RORA: variants seen among roughly 807,000 people sequenced by gnomAD.
The protein encoded by RORA is RAR related orphan receptor A, also known as nuclear receptor ROR-alpha.
Under a neutral mutation model 69.5 loss-of-function variants are expected in RORA, and 7 were observed. The ratio of observed to expected loss-of-function variants is 0.10; its 90% CI spans 0.06 to 0.19. RORA has a LOEUF of 0.19. Ranked by LOEUF, RORA falls within the 10% of genes least tolerant of loss-of-function variation. RORA has a pLI of 1.00. For synonymous variants in RORA, 261 were observed against 240.8 expected, an observed-to-expected ratio of 1.08 and a Z score of -0.78; for missense variants, 457 against 663.0, an observed-to-expected ratio of 0.69 and a Z score of 3.41.
chr15:60,900,517 T>TA (rs1891357544), intron 1 of RORA, among the ~76,000 whole-genome samples: 1 of 152,200 alleles, frequency 6.6e-6, no homozygotes, highest in Admixed American at 6.5e-5. Flanking sequence ...ACTCTTCACT[T>TA]ACTACTCATG....
At chr15:60,830,861 G>A (rs758138033) in intron 1 of RORA, among the ~76,000 whole-genome samples, 18 of 152,188 alleles carry the variant, frequency 1.2e-4, no homozygotes, top group South Asian at 4.1e-4. Context: ...GGGCATGAGG[G>A]ACCACACCTC....
In RORA at chr15:61,147,745, C is replaced by G. The variant is rs2079361580; in HGVS notation, c.166+81308G>C. ...CAGTCCTAAAAGAAAGGTTGATGGT[C>G]AGTAGGCACGTGCGCACACGCGTGT... On this transcript the variant is annotated intron_variant, in intron 1 of 10. Coordinates refer to ENST00000335670, the MANE Select transcript of RORA (RefSeq NM_134261.3). This position sits in a 1 kb window ranked among gnomAD's most constrained non-coding sequence, Gnocchi z 4.1. 7.7e-6 allele frequency among the ~76,000 whole-genome samples: 1 copy of G among 130,196 alleles called. No homozygotes were observed. The highest frequency in any genetic ancestry group is 2.7e-5 in the African/African-American group (1 of 37,478). 85.4% of individuals were successfully genotyped at this position (130,196 alleles called of 152,430 possible).
At chr15:60,887,241 A>C (rs1321425325) in intron 1 of RORA, among the ~76,000 whole-genome samples, 2 of 152,212 alleles carry the variant, frequency 1.3e-5, no homozygotes, top group Non-Finnish European at 2.9e-5. Flanking sequence ...ACAGAGATGT[A>C]AAGCATATGA....
intron 2 of RORA, among the ~76,000 whole-genome samples, chr15:60,562,182 G>A (rs932729475): frequency 6.6e-6 from 1 of 152,044 alleles, no homozygotes; most frequent in Non-Finnish European, 1.5e-5. Flanking sequence ...TGATCTGCCC[G>A]CCTTGACCTC....
rs2066627196 is a variant in RORA at position 60,534,736 on chromosome 15, C to CA, written c.197-2886_197-2885insT. 6.6e-6 allele frequency among the ~76,000 whole-genome samples: 1 copy of CA among 152,144 alleles called. No homozygotes were observed. The highest frequency in any genetic ancestry group is 2.4e-5 in the African/African-American group (1 of 41,422). On this transcript the variant is annotated intron_variant, in intron 2 of 10. Transcript: ENST00000335670. The surrounding 1 kb of genome is among the most constrained non-coding windows in gnomAD (Gnocchi z 5.0). Reference sequence around the variant, plus strand: ...ATGCACTTTAGGAAATGACTAAAATCCTCCTACTCCAAAAGCAAACCCTCT... The same window carrying CA: ...ATGCACTTTAGGAAATGACTAAAATCACTCCTACTCCAAAAGCAAACCCTCT...
chr15:60,927,882 G>T (rs1042820107), intron 1 of RORA, among the ~76,000 whole-genome samples: 1 of 152,206 alleles, frequency 6.6e-6, no homozygotes, highest in African/African-American at 2.4e-5. Flanking sequence ...TATAGAGCAG[G>T]ATACTCATTC....
chr15:60,806,285 C>T (rs1285053010), intron 1 of RORA, among the ~76,000 whole-genome samples: 2 of 152,108 alleles, frequency 1.3e-5, no homozygotes, highest in Non-Finnish European at 2.9e-5. Flanking sequence ...GGCCAAGGTG[C>T]CCGAGTGAAA....
chr15:60,696,726 C>T (rs2140784214), intron 1 of RORA, among the ~76,000 whole-genome samples: 1 of 152,306 alleles, frequency 6.6e-6, no homozygotes, highest in Middle Eastern at 3.4e-3. Flanking sequence ...CACCGTGAAA[C>T]ACTTGCGGAG....
At chr15:60,768,912 G>A (rs967397983) in intron 1 of RORA, among the ~76,000 whole-genome samples, 6 of 152,156 alleles carry the variant, frequency 3.9e-5, no homozygotes, top group African/African-American at 1.4e-4. Flanking sequence ...AGTTTCAATC[G>A]GCATTATTTC....
chr15:60,976,197 A>G (rs1893868152), intron 1 of RORA, among the ~76,000 whole-genome samples: 1 of 152,226 alleles, frequency 6.6e-6, no homozygotes, highest in Non-Finnish European at 1.5e-5. Flanking sequence ...TGATGCTGGC[A>G]GGAGGGGCGT....
At chr15:61,013,985 A>G (rs1359463799) in intron 1 of RORA, among the ~76,000 whole-genome samples, 1 of 151,860 alleles carries the variant, frequency 6.6e-6, no homozygotes, top group African/African-American at 2.4e-5. Flanking sequence ...GGGCTTCATC[A>G]TATTAGCCAG....
intron 3 of RORA, chr15:60,529,660 C>T (rs572472790): frequency 6.6e-6 from 1 of 152,036 alleles, no homozygotes; most frequent in Non-Finnish European, 1.5e-5. Flanking sequence ...TAATAGATAC[C>T]TTTTGTTTTC....
At chr15:60,852,374 T>C (rs574069554) in intron 1 of RORA, among the ~76,000 whole-genome samples, 1 of 152,232 alleles carries the variant, frequency 6.6e-6, no homozygotes, top group Non-Finnish European at 1.5e-5. Flanking sequence ...CTGTGCGTGA[T>C]GCTTGGCAAG....
chr15:61,215,031 A>ATTTTTTTTTT (rs61132940), intron 1 of RORA, among the ~76,000 whole-genome samples: 7 of 80,616 alleles, frequency 8.7e-5, no homozygotes, highest in African/African-American at 2.0e-4. Context: ...CGCCCAGCTA[A>ATTTTTTTTTT]TTTTTTTTTT....
At chr15:61,036,565 G>A (rs77530705) in intron 1 of RORA, among the ~76,000 whole-genome samples, 196 of 152,172 alleles carry the variant, frequency 1.3e-3, no homozygotes, top group African/African-American at 3.0e-3. Context: ...AGGTCTGCGC[G>A]TTTTAATAAA....
At chr15:60,730,487 G>T (rs1040859865) in intron 1 of RORA, among the ~76,000 whole-genome samples, 2 of 152,166 alleles carry the variant, frequency 1.3e-5, no homozygotes, top group African/African-American at 4.8e-5. Context: ...CTTAAAAAAT[G>T]CAGTAGTATG....
intron 1 of RORA, among the ~76,000 whole-genome samples, chr15:61,194,578 G>A (rs1484315633): frequency 1.3e-5 from 2 of 149,580 alleles, no homozygotes; most frequent in African/African-American, 4.9e-5. Context: ...TCCTCACTTC[G>A]ACCATATTGG....
intron 1 of RORA, among the ~76,000 whole-genome samples, chr15:60,744,059 G>GA (rs928491436): frequency 9.1e-5 from 13 of 142,646 alleles, no homozygotes; most frequent in Admixed American, 3.5e-4. Flanking sequence ...CACTAGGGTT[G>GA]AAAAAAAAAA....
At chr15:60,679,104 A>T (rs574131173) in intron 1 of RORA, among the ~76,000 whole-genome samples, 6 of 151,446 alleles carry the variant, frequency 4.0e-5, no homozygotes, top group Admixed American at 3.3e-4. Flanking sequence ...TGCTATGGCC[A>T]TTGGTTCTGT....
Sources: gnomAD v4.1 joint callset for allele counts (sites outside exome capture counted in the v4.1 genomes callset) on GRCh38, gnomAD v4.1.1 for gene constraint, Gnocchi (gnomAD v3.1) non-coding constraint, MANE v1.5 for transcripts, NCBI Gene and HGNC (gene_info 2026-07-23, HGNC 2026-07-21) for gene names.